The following ASTN1 variants were observed in gnomAD, a reference collection of about 807,000 sequenced individuals.
The protein encoded by ASTN1 is astrotactin 1.
ASTN1 carries 41 observed loss-of-function variants against 140.7 expected under a neutral mutation model. The observed-to-expected ratio is 0.29, with a 90% CI of 0.23 to 0.38. ASTN1 has a LOEUF of 0.38. Among genes scored for constraint, ASTN1 ranks in the 10% least tolerant of loss-of-function variants. The probability of loss-of-function intolerance (pLI) is 1.00; values close to 1 mark genes in which losing one functional copy is unlikely to be tolerated. For missense variants in ASTN1, 1,479 were observed against 1,678.8 expected (o/e 0.88, Z 2.08); for synonymous variants, 640 against 652.2 (o/e 0.98, Z 0.29).
At chr1:176,979,683 C>T (rs1673522425) in intron 8 of ASTN1, among the ~76,000 whole-genome samples, 2 of 149,002 alleles carry the variant, frequency 1.3e-5, no homozygotes, top group East Asian at 3.9e-4. Context: ...GCAAAGCCCT[C>T]AGGAAAACAA....
At chr1:177,108,652 G>A (rs1263028638) in intron 1 of ASTN1, among the ~76,000 whole-genome samples, 1 of 152,104 alleles carries the variant, frequency 6.6e-6, no homozygotes, top group Admixed American at 6.5e-5. Context: ...TCCACCTTTT[G>A]GTTATTGTGG....
chr1:176,941,705 TA>T (rs1671721286), intron 14 of ASTN1, among the ~76,000 whole-genome samples: 1 of 152,226 alleles, frequency 6.6e-6, no homozygotes, highest in South Asian at 2.1e-4. Flanking sequence ...GGCTATCTCA[TA>T]ACTGAAGTAA....
chr1:177,147,243 G>A (rs1018221500), intron 1 of ASTN1, among the ~76,000 whole-genome samples: 5 of 152,032 alleles, frequency 3.3e-5, no homozygotes, highest in Non-Finnish European at 2.9e-5. Flanking sequence ...CCCTGGAAAG[G>A]GTATCATCGG....
intron 1 of ASTN1, among the ~76,000 whole-genome samples, chr1:177,110,747 T>A (rs1680786932): frequency 6.6e-6 from 1 of 152,132 alleles, no homozygotes; most frequent in Admixed American, 6.5e-5. Flanking sequence ...CACACATTAG[T>A]AAATGGCAGA....
intron 1 of ASTN1, among the ~76,000 whole-genome samples, chr1:177,158,655 CGTGTGTGTGT>C (rs34610563): frequency 2.7e-4 from 38 of 142,610 alleles, no homozygotes; most frequent in Admixed American, 1.3e-3. Context: ...GAAAAAAGTA[CGTGTGTGTGT>C]GTGTGTGTGT....
At chr1:176,880,240 G>A (rs1416251420) in intron 20 of ASTN1, among the ~76,000 whole-genome samples, 1 of 152,134 alleles carries the variant, frequency 6.6e-6, no homozygotes, top group Non-Finnish European at 1.5e-5. Context: ...TGCTTCCAAA[G>A]GTGGGTCTTA....
chr1:177,045,417 G>A (rs191695936), intron 2 of ASTN1, among the ~76,000 whole-genome samples: 14 of 152,220 alleles, frequency 9.2e-5, no homozygotes, highest in Admixed American at 2.6e-4. Context: ...ACAGCATTAC[G>A]TTCACACTAT....
At chr1:176,884,230 G>T in intron 19 of ASTN1, 109 bp downstream of exon 19, 1 of 1,311,292 alleles carries the variant, frequency 7.6e-7, no homozygotes, top group Non-Finnish European at 1.1e-6. Context: ...CTCCTGCATT[G>T]CCCTGGGATA....
At chr1:177,029,554 A>G in intron 5 of ASTN1, 80 bp downstream of exon 5, 1 of 1,442,624 alleles carries the variant, frequency 6.9e-7, no homozygotes, top group Non-Finnish European at 9.6e-7. Context: ...CCCACAACCC[A>G]ACCCAACACC....
intron 1 of ASTN1, among the ~76,000 whole-genome samples, chr1:177,104,916 A>T (rs1390862643): frequency 6.6e-6 from 1 of 152,142 alleles, no homozygotes; most frequent in Non-Finnish European, 1.5e-5. Flanking sequence ...TCCTTTCTTG[A>T]TCACCACTAC....
At position 176,864,238 on chromosome 1, in the gene ASTN1, C is replaced by T; in HGVS notation, c.*46G>A. The T allele has an allele frequency of 6.3e-7, 1 of 1,599,686 alleles. No individual in the cohort carries two copies. The highest frequency in any genetic ancestry group is 8.5e-7 in the Non-Finnish European group (1 of 1,172,408). On this transcript the variant is annotated 3_prime_UTR_variant, in exon 23 of 23. Transcript: ENST00000361833. ...CACAGACCAACCCAGATGGATCCCT[C>T]CTCTTTCCTACTTCATTCTGGCAGC...
intron 7 of ASTN1, among the ~76,000 whole-genome samples, chr1:177,017,365 C>T (rs1195750445): frequency 6.6e-6 from 1 of 152,170 alleles, no homozygotes; most frequent in South Asian, 2.1e-4. Flanking sequence ...TTTCTGGAAC[C>T]CACCAAGCAT....
chr1:176,883,077 C>T (rs1166791019), intron 19 of ASTN1, 83 bp from the exon 20 acceptor site: 1 of 1,543,840 alleles, frequency 6.5e-7, no homozygotes. Flanking sequence ...TCAATGAGAA[C>T]TTAACATGAC....
intron 8 of ASTN1, among the ~76,000 whole-genome samples, chr1:176,979,300 T>C (rs562880415): frequency 1.3e-5 from 2 of 152,318 alleles, no homozygotes; most frequent in African/African-American, 4.8e-5. Context: ...CTATCATCTA[T>C]GATGATAAGA....
intron 22 of ASTN1, among the ~76,000 whole-genome samples, chr1:176,865,045 G>C (rs746747265): frequency 2.6e-5 from 4 of 152,196 alleles, no homozygotes; most frequent in Non-Finnish European, 4.4e-5. Context: ...AATGCCCTCA[G>C]TTCATGTTGA....
intron 7 of ASTN1, among the ~76,000 whole-genome samples, chr1:177,022,856 A>G (rs1675897809): frequency 6.6e-6 from 1 of 152,226 alleles, no homozygotes. Context: ...TTATTTAATG[A>G]TTCTGGAAAA....
intron 11 of ASTN1, among the ~76,000 whole-genome samples, chr1:176,950,795 T>C (rs4652211): frequency 0.25 from 38,677 of 151,764 alleles, 5,659 homozygotes; most frequent in African/African-American, 0.41. Flanking sequence ...TGTATACATA[T>C]CGCCAACAAG....
Position 176,861,759 on chromosome 1 carries a change from G to A in ASTN1, c.*2525C>T. On this transcript the variant is annotated 3_prime_UTR_variant, in exon 23 of 23. Coordinates refer to ENST00000361833, the MANE Select transcript of ASTN1 (RefSeq NM_004319.3). ...CGAGAAACAGGAGGAAGAAAGTCTTGGGGAAAGAGGAGGCCAAAAAAGGAG... is the reference window on the plus strand; with the variant it reads ...CGAGAAACAGGAGGAAGAAAGTCTTAGGGAAAGAGGAGGCCAAAAAAGGAG... 1.0e-6 allele frequency: 1 copy of A among 985,380 alleles called. No homozygotes were observed. The highest frequency in any genetic ancestry group is 1.2e-6 in the Non-Finnish European group (1 of 830,004). The allele number at this position is 985,380 out of a possible 1,614,324, so 61.0% of individuals were successfully genotyped here. A position where few individuals can be genotyped will look rare whatever the true frequency, so the allele number is the denominator to read the frequency against.
intron 12 of ASTN1, among the ~76,000 whole-genome samples, chr1:176,946,798 G>C (rs1671977887): frequency 6.6e-6 from 1 of 152,146 alleles, no homozygotes; most frequent in Non-Finnish European, 1.5e-5. Context: ...TCCTCATTAG[G>C]ATGGAAAAGC....
Sources: gnomAD v4.1 joint callset for allele counts (sites outside exome capture counted in the v4.1 genomes callset) on GRCh38, gnomAD v4.1.1 for gene constraint, MANE v1.5 for transcripts, NCBI Gene and HGNC (gene_info 2026-07-23, HGNC 2026-07-21) for gene names.